Variants in PLEKHG1 observed in about 807,000 individuals in gnomAD.
PLEKHG1 encodes the protein pleckstrin homology domain-containing family G member 1.
In PLEKHG1, 44 loss-of-function variants were observed where a neutral mutation model predicts 100.8. The observed-to-expected ratio is 0.44, with a 90% confidence interval of 0.34 to 0.56. PLEKHG1 has a LOEUF of 0.56. Among genes scored for constraint, PLEKHG1 ranks in the 20% least tolerant of loss-of-function variants. PLEKHG1 has a pLI of 0.01. For missense variants in PLEKHG1, 1,545 were observed against 1,720.9 expected (o/e 0.90, Z 1.81); for synonymous variants, 640 against 662.5 (o/e 0.97, Z 0.52).
At chr6:150,793,948 G>A (rs1372732307) in intron 4 of PLEKHG1, among the ~76,000 whole-genome samples, 1 of 152,262 alleles carries the variant, frequency 6.6e-6, no homozygotes, top group Middle Eastern at 3.4e-3. Context: ...CAGGCATGGT[G>A]ACGCATGCCT....
chr6:150,794,666 C>CA (rs971806582), intron 4 of PLEKHG1, among the ~76,000 whole-genome samples: 3 of 146,950 alleles, frequency 2.0e-5, no homozygotes, highest in African/African-American at 7.6e-5. Flanking sequence ...GGCTCCGTCT[C>CA]AAAAAAATAA....
intron 2 of PLEKHG1, among the ~76,000 whole-genome samples, chr6:150,648,486 G>A (rs993987744): frequency 1.3e-5 from 2 of 152,020 alleles, no homozygotes; most frequent in African/African-American, 4.8e-5. Flanking sequence ...AATAAGTGTT[G>A]ATCTTTTGTG....
intron 10 of PLEKHG1, among the ~76,000 whole-genome samples, chr6:150,815,253 A>T (rs1225756656): frequency 6.6e-6 from 1 of 152,212 alleles, no homozygotes; most frequent in Non-Finnish European, 1.5e-5. Context: ...AGCTGTGGGA[A>T]ACTCATTAGT....
rs143703648 is a variant in PLEKHG1, at chr6:150,806,330, C to T, written c.912+1589C>T. On this transcript the variant is annotated intron_variant, in intron 7 of 15. Transcript: ENST00000358517. ...GGAATCTATTGAATACAGTCATCCC[C>T]CCTATCCGCAGTTTCACTTTCTGCA... is the stretch of plus-strand genomic sequence containing the variant. Among the ~76,000 whole-genome samples, 1,042 of 151,514 alleles carry T rather than the reference C, an allele frequency of 6.9e-3. 6 individuals carry two copies. The highest frequency in any genetic ancestry group is 0.024 in the African/African-American group (982 of 41,242).
chr6:150,732,961 T>G (rs893209285), intron 1 of PLEKHG1, among the ~76,000 whole-genome samples: 1 of 152,208 alleles, frequency 6.6e-6, no homozygotes, highest in African/African-American at 2.4e-5. Context: ...TATTAGAAAA[T>G]TATTGTCTAT....
At chr6:150,816,326 C>CTTTTTT (rs1173343082) in intron 10 of PLEKHG1, among the ~76,000 whole-genome samples, 3,024 of 41,090 alleles carry the variant, frequency 0.074, 991 homozygotes, top group Non-Finnish European at 0.1. Flanking sequence ...CTCAAACATA[C>CTTTTTT]TTTTTTTTTT....
chr6:150,605,662 C>T (rs1452597148), intron 1 of PLEKHG1: 1 of 152,130 alleles, frequency 6.6e-6, no homozygotes, highest in African/African-American at 2.4e-5. Context: ...TCCAGGAAGC[C>T]TCTAGGAGGA....
rs570154389 is a variant in PLEKHG1, at chr6:150,676,199, T to G, written c.-99+25413T>G. ...ATGAAAGCAACAAAATGGGAAAATA[T>G]GCACAGCAACAATTGGAGACTTAAT... is the stretch of plus-strand genomic sequence containing the variant. On this transcript the variant is annotated intron_variant, in intron 3 of 3. Coordinates refer to the PLEKHG1 transcript ENST00000367326. Among the ~76,000 whole-genome samples the G allele has an allele frequency of 2.0e-5, 3 of 152,328 alleles. No individual in the cohort carries two copies. The South Asian group carries it at 6.2e-4, about 32-fold the overall frequency.
chr6:150,666,627 G>A (rs568473340), intron 3 of PLEKHG1, among the ~76,000 whole-genome samples: 8 of 152,252 alleles, frequency 5.3e-5, no homozygotes, highest in Non-Finnish European at 1.0e-4. Context: ...TGTTATTGAT[G>A]AGAAAATTGC....
At chr6:150,696,044 T>C (rs1780530534) in intron 3 of PLEKHG1, among the ~76,000 whole-genome samples, 1 of 152,186 alleles carries the variant, frequency 6.6e-6, no homozygotes, top group Admixed American at 6.5e-5. Context: ...AGATATTCTT[T>C]ATAGAAGTTA....
intron 7 of PLEKHG1, among the ~76,000 whole-genome samples, chr6:150,805,010 A>G (rs1786975813): frequency 1.3e-5 from 2 of 151,244 alleles, no homozygotes; most frequent in South Asian, 4.2e-4. Flanking sequence ...ATCTCCACTC[A>G]CCACAACCTC....
At chr6:150,759,353 A>C (rs1784030734) in intron 2 of PLEKHG1, among the ~76,000 whole-genome samples, 1 of 152,188 alleles carries the variant, frequency 6.6e-6, no homozygotes, top group Admixed American at 6.5e-5. Context: ...GTGCCTAGTC[A>C]ATCAGGGTGG....
rs567099730 is a variant in PLEKHG1 at position 150,686,515 on chromosome 6, T to A, written c.-99+35729T>A. Among the ~76,000 whole-genome samples, 6 of 152,328 alleles carry A rather than the reference T, an allele frequency of 3.9e-5. 1 individual carries two copies. The South Asian group carries it at 1.2e-3, about 32-fold the overall frequency. On this transcript the variant is annotated intron_variant, in intron 3 of 3. Coordinates refer to the PLEKHG1 transcript ENST00000367326. ...TGGTCATTTTTGCTTGTTGAAAAATTAGACTTTAAGTAAAAAATGAAGCAT... is the reference window on the plus strand; with the variant it reads ...TGGTCATTTTTGCTTGTTGAAAAATAAGACTTTAAGTAAAAAATGAAGCAT...
At chr6:150,729,233 A>AT (rs770085679) in intron 1 of PLEKHG1, among the ~76,000 whole-genome samples, 1 of 152,074 alleles carries the variant, frequency 6.6e-6, no homozygotes, top group South Asian at 2.1e-4. Flanking sequence ...AATTTTTTGT[A>AT]TTTTTTGTAT....
chr6:150,841,667 A>AT (rs1777537482), exon 16 of PLEKHG1: 1 of 152,252 alleles, frequency 6.6e-6, no homozygotes, highest in Non-Finnish European at 1.5e-5. Context: ...TGACTTAACT[A>AT]TTAGAAAAGA....
chr6:150,686,646 C>G (rs1211288583), intron 3 of PLEKHG1: 1 of 152,130 alleles, frequency 6.6e-6, no homozygotes, highest in African/African-American at 2.4e-5. Context: ...TTCCTGTTGT[C>G]TGTTTTTCTC....
chr6:150,729,043 G>A (rs1456223156), intron 1 of PLEKHG1, among the ~76,000 whole-genome samples: 3 of 152,118 alleles, frequency 2.0e-5, no homozygotes, highest in Non-Finnish European at 2.9e-5. Flanking sequence ...CTAAGTTACT[G>A]AAATCTGGTG....
chr6:150,838,482 C>T (rs1777347676), intron 15 of PLEKHG1, among the ~76,000 whole-genome samples: 2 of 152,180 alleles, frequency 1.3e-5, no homozygotes, highest in African/African-American at 4.8e-5. Flanking sequence ...AATTATTCTT[C>T]CTCCAATGTC....
chr6:150,808,363 T>C (rs75603751), intron 7 of PLEKHG1, among the ~76,000 whole-genome samples: 6,647 of 152,216 alleles, frequency 0.044, 212 homozygotes, highest in East Asian at 0.16. Flanking sequence ...GAATTACTTA[T>C]GTGTGGTATG....
Sources: gnomAD v4.1 joint callset for allele counts (sites outside exome capture counted in the v4.1 genomes callset) on GRCh38, gnomAD v4.1.1 for gene constraint, MANE v1.5 for transcripts, NCBI Gene and HGNC (gene_info 2026-07-23, HGNC 2026-07-21) for gene names.